Variants in DISC1 observed in about 807,000 individuals in gnomAD.
DISC1 encodes DISC1 scaffold protein.
In DISC1, 57 loss-of-function variants were observed where a neutral mutation model predicts 84.5. The ratio of observed to expected loss-of-function variants is 0.67; its 90% CI spans 0.55 to 0.84. The LOEUF is 0.84. DISC1 is among the 40% of genes least tolerant of loss of function. The pLI, the probability that DISC1 is intolerant of heterozygous loss-of-function variation, is 0.00. For synonymous variants in DISC1, 411 were observed against 415.2 expected (o/e 0.99, Z 0.12); for missense variants, 1,000 against 1,057.8 (o/e 0.95, Z 0.76).
intron 10 of DISC1, among the ~76,000 whole-genome samples, chr1:231,964,372 A>T (rs1021666440): frequency 6.6e-6 from 1 of 152,080 alleles, no homozygotes; most frequent in African/African-American, 2.4e-5. Context: ...TGACTCACAT[A>T]CCTTAGCTAC....
At chr1:231,933,183 G>A (rs2090775242) in intron 9 of DISC1, among the ~76,000 whole-genome samples, 1 of 152,172 alleles carries the variant, frequency 6.6e-6, no homozygotes, top group Non-Finnish European at 1.5e-5. Context: ...GAGGAAATGA[G>A]GTGTAGAGAT....
At chr1:231,968,540 C>T (rs1661416966) in intron 10 of DISC1, among the ~76,000 whole-genome samples, 2 of 148,296 alleles carry the variant, frequency 1.3e-5, no homozygotes, top group Non-Finnish European at 3.0e-5. Flanking sequence ...TGCAGTGAGC[C>T]GAGATCCCGC....
chr1:231,818,570 T>G (rs761659860), intron 9 of DISC1, 53 bp downstream of exon 9: 1 of 1,609,036 alleles, frequency 6.2e-7, no homozygotes, highest in Non-Finnish European at 8.5e-7. Context: ...TTTGTTGTGT[T>G]TTGTGGCCAG....
In DISC1 at chr1:231,912,156, C is replaced by T. The variant is rs146650325; in HGVS notation, c.1982-46672C>T. ...CTCGGAGAAGTTTATTATTACCGAT[C>T]GTTTGAAGCCTTCTTCTCTCAACTT... On this transcript the variant is annotated intron_variant, in intron 9 of 12. Coordinates refer to ENST00000439617, the MANE Select transcript of DISC1 (RefSeq NM_018662.3). Among the ~76,000 whole-genome samples the T allele has an allele frequency of 1.1e-4, 17 of 152,272 alleles. No individual in the cohort carries two copies. In the East Asian group the frequency reaches 2.9e-3, roughly 26 times the overall value.
chr1:231,784,018 CTT>C (rs1349789359), intron 6 of DISC1, among the ~76,000 whole-genome samples: 1 of 152,152 alleles, frequency 6.6e-6, no homozygotes, highest in East Asian at 1.9e-4. Context: ...AATCCCAACA[CTT>C]TGGGAGGCCA....
intron 9 of DISC1, among the ~76,000 whole-genome samples, chr1:231,841,928 T>C (rs968057016): frequency 3.3e-5 from 5 of 152,244 alleles, no homozygotes; most frequent in Non-Finnish European, 7.3e-5. Flanking sequence ...TATTTAATTC[T>C]TTTTGCATAC....
chr1:231,873,432 G>A (rs776394280), intron 9 of DISC1, among the ~76,000 whole-genome samples: 15 of 152,122 alleles, frequency 9.9e-5, no homozygotes, highest in African/African-American at 1.7e-4. Context: ...TTTGACTAGC[G>A]CCCCTTCCTG....
chr1:231,656,209 T>C (rs1438609246), intron 1 of DISC1, among the ~76,000 whole-genome samples: 1 of 152,214 alleles, frequency 6.6e-6, no homozygotes. Context: ...AGAATTTTTA[T>C]GGTTTCAAGT....
chr1:231,723,006 A>AATT, intron 3 of DISC1: 1 of 1,115,542 alleles, frequency 9.0e-7, no homozygotes, highest in Non-Finnish European at 1.1e-6. Context: ...CCTTTAGGAC[A>AATT]ATTATGAAGG....
chr1:231,782,763 C>T (rs1254064466), intron 6 of DISC1, among the ~76,000 whole-genome samples: 3 of 151,790 alleles, frequency 2.0e-5, no homozygotes, highest in Non-Finnish European at 4.4e-5. Flanking sequence ...CATGGCAAAA[C>T]CCCGTCTCTA....
chr1:231,779,644 C>T (rs932589722), intron 6 of DISC1, among the ~76,000 whole-genome samples: 4 of 149,824 alleles, frequency 2.7e-5, no homozygotes, highest in Non-Finnish European at 4.4e-5. Context: ...ACTGCAAGCT[C>T]CACTTCCCGG....
At chr1:231,756,845 T>A (rs892929158) in intron 4 of DISC1, among the ~76,000 whole-genome samples, 2 of 152,154 alleles carry the variant, frequency 1.3e-5, no homozygotes, top group Non-Finnish European at 2.9e-5. Flanking sequence ...AACTAGAAAA[T>A]AATGAGTTGA....
chr1:231,925,243 A>G (rs1397085604), intron 9 of DISC1, among the ~76,000 whole-genome samples: 1 of 152,168 alleles, frequency 6.6e-6, no homozygotes, highest in Non-Finnish European at 1.5e-5. Flanking sequence ...TGATCTTAGA[A>G]AGTCACATCT....
At chr1:231,770,714 A>G in intron 5 of DISC1, 121 bp from the exon 6 acceptor site, 1 of 1,510,402 alleles carries the variant, frequency 6.6e-7, no homozygotes, top group South Asian at 1.2e-5. Context: ...CCTGCCTCAG[A>G]AGGGGAGTTT....
intron 3 of DISC1, among the ~76,000 whole-genome samples, chr1:231,730,691 A>T (rs1285384421): frequency 6.6e-6 from 1 of 152,248 alleles, no homozygotes; most frequent in Non-Finnish European, 1.5e-5. Context: ...AGGCTGGGGT[A>T]AGATATGATA....
chr1:231,847,884 G>A (rs1334927505), intron 9 of DISC1, among the ~76,000 whole-genome samples: 1 of 152,200 alleles, frequency 6.6e-6, no homozygotes, highest in Non-Finnish European at 1.5e-5. Flanking sequence ...CCCCAGCACT[G>A]AAGCAATCCC....
intron 9 of DISC1, among the ~76,000 whole-genome samples, chr1:231,958,351 G>A (rs1460922572): frequency 3.3e-5 from 5 of 152,146 alleles, no homozygotes; most frequent in African/African-American, 7.2e-5. Context: ...CTAGTTACTG[G>A]CAGAATCCCA....
chr1:231,991,574 C>A (rs914018807), intron 10 of DISC1, among the ~76,000 whole-genome samples: 1 of 152,128 alleles, frequency 6.6e-6, no homozygotes, highest in African/African-American at 2.4e-5. Flanking sequence ...AAACGGGGGG[C>A]CCCACAAACC....
intron 11 of DISC1, among the ~76,000 whole-genome samples, chr1:232,018,383 G>A (rs1653552186): frequency 6.6e-6 from 1 of 152,206 alleles, no homozygotes; most frequent in Admixed American, 6.5e-5. Context: ...AAATGTCCTT[G>A]GAGACCCTGG....
Sources: gnomAD v4.1 joint callset for allele counts (sites outside exome capture counted in the v4.1 genomes callset) on GRCh38, gnomAD v4.1.1 for gene constraint, MANE v1.5 for transcripts, NCBI Gene and HGNC (gene_info 2026-07-23, HGNC 2026-07-21) for gene names.